ALG14: variants seen among roughly 807,000 people sequenced by gnomAD.
ALG14 encodes the protein UDP-N-acetylglucosamine transferase subunit ALG14.
ALG14 carries 17 observed loss-of-function variants against 22.8 expected under a neutral mutation model. That is an observed-to-expected ratio of 0.75 (90% CI 0.51 to 1.12). ALG14 has a LOEUF of 1.12. Ranked by LOEUF, ALG14 falls within the 50% of genes most tolerant of loss-of-function variation. ALG14 has a pLI of 0.00. For synonymous variants in ALG14, 89 were observed against 103.7 expected (o/e 0.86, Z 0.86); for missense variants, 288 against 271.8 (o/e 1.06, Z -0.42).
chr1:95,068,441 C>T (rs1388923311), intron 1 of ALG14, among the ~76,000 whole-genome samples: 1 of 152,080 alleles, frequency 6.6e-6, no homozygotes, highest in Non-Finnish European at 1.5e-5. Context: ...CACCTGCGAC[C>T]ATGCCCAGCT....
intron 3 of ALG14, among the ~76,000 whole-genome samples, chr1:94,986,450 T>C (rs1444659373): frequency 6.6e-6 from 1 of 152,178 alleles, no homozygotes; most frequent in Admixed American, 6.6e-5. Context: ...CATACACTTA[T>C]GTGGTTGACT....
chr1:95,062,416 C>T (rs1675195088), intron 2 of ALG14, among the ~76,000 whole-genome samples: 1 of 152,094 alleles, frequency 6.6e-6, no homozygotes, highest in South Asian at 2.1e-4. Context: ...AGTCCAGCAT[C>T]CACTAACTAT....
At chr1:95,022,296 A>G in intron 3 of ALG14, 1 of 984,980 alleles carries the variant, frequency 1.0e-6, no homozygotes, top group East Asian at 1.1e-4. Context: ...TACCTCATTT[A>G]TGGATGGAAG....
chr1:95,041,802 T>G (rs577547065), intron 2 of ALG14, among the ~76,000 whole-genome samples: 1 of 152,128 alleles, frequency 6.6e-6, no homozygotes, highest in African/African-American at 2.4e-5. Context: ...AGTGGAAGAA[T>G]GTCATGTTAA....
At chr1:95,003,037 A>G (rs926085102) in intron 3 of ALG14, among the ~76,000 whole-genome samples, 2 of 152,228 alleles carry the variant, frequency 1.3e-5, no homozygotes, top group African/African-American at 4.8e-5. Context: ...AGCTGAAAAC[A>G]GTGAAATCAG....
rs984445174 is a variant in ALG14, at chr1:94,977,370, T to C, written c.*5706A>G. On this transcript the variant is annotated 3_prime_UTR_variant, in exon 4 of 4. Transcript: ENST00000370205. Reference sequence around the variant, plus strand: ...GATGTGACATTATGTAAAGCAGCAGTTCTTAAAATGTGGTCCAAGGTCCTG... The same window carrying C: ...GATGTGACATTATGTAAAGCAGCAGCTCTTAAAATGTGGTCCAAGGTCCTG... 1 of 152,232 alleles carries C rather than the reference T, an allele frequency of 6.6e-6. No homozygotes were observed. The highest frequency in any genetic ancestry group is 1.5e-5 in the Non-Finnish European group (1 of 68,048). The allele number at this position is 152,232 out of a possible 1,614,324, so 9.4% of individuals were successfully genotyped here.
chr1:95,012,050 T>A (rs1347295410), intron 3 of ALG14, among the ~76,000 whole-genome samples: 1 of 152,150 alleles, frequency 6.6e-6, no homozygotes, highest in Non-Finnish European at 1.5e-5. Flanking sequence ...CAAGATCTGA[T>A]GATTTTATAA....
intron 2 of ALG14, among the ~76,000 whole-genome samples, chr1:95,050,793 T>G (rs530525720): frequency 1.8e-4 from 28 of 152,120 alleles, no homozygotes; most frequent in Non-Finnish European, 3.4e-4. Flanking sequence ...TATCTGAAAT[T>G]TATTAATAGA....
chr1:95,065,105 G>A lies in ALG14; in HGVS notation c.137-88C>T. The A allele has an allele frequency of 1.4e-5, 17 of 1,229,374 alleles. No individual in the cohort carries two copies. In the South Asian group the frequency reaches 2.6e-4, roughly 19 times the overall value. The allele number at this position is 1,229,374 out of a possible 1,614,324, so 76.2% of individuals were successfully genotyped here. A position where few individuals can be genotyped will look rare whatever the true frequency, so the allele number is the denominator to read the frequency against. On this transcript the variant is annotated intron_variant, in intron 1 of 3. Transcript: ENST00000370205. ...TGTTATACCAATATCATGGTTTCAG[G>A]TTGGGGGTGGGGGGGCACTGTAATT...
chr1:95,044,892 A>G (rs963123448), intron 2 of ALG14, among the ~76,000 whole-genome samples: 1 of 152,144 alleles, frequency 6.6e-6, no homozygotes, highest in African/African-American at 2.4e-5. Flanking sequence ...TAAAAAAAGC[A>G]TTAGGATTCT....
rs532574828 is a variant in ALG14, at chr1:95,027,194, C to T, written c.355G>A (p.Val119Ile). The change falls in exon 3 of 4, where the codon GTT (valine) becomes ATT (isoleucine). Residue 119 changes from valine to isoleucine, a missense_variant. Val to Ile is a conservative substitution (Grantham distance 29). Transcript: ENST00000370205. ...CACATGGAGTGCAAGGTGGTGAAAA[C>T]GGTGGAGGGCCAGGACTGCTGAACC... ...REVQQSWPST[V>I]FTTLHSMWLS... The T allele has an allele frequency of 2.5e-5, 40 of 1,614,090 alleles. No homozygotes were observed. The South Asian group carries it at 3.4e-4, about 14-fold the overall frequency.
intron 2 of ALG14, 99 bp downstream of exon 2, chr1:95,064,767 T>C (rs947191327): frequency 2.8e-5 from 29 of 1,048,568 alleles, no homozygotes; most frequent in Non-Finnish European, 3.6e-5. Flanking sequence ...TGACTGCCCA[T>C]TGTGGGTAGG....
Position 95,072,919 on chromosome 1 carries a change from T to C in ALG14, c.-21A>G, listed in dbSNP as rs41292695. 605 of 1,612,868 alleles carry C rather than the reference T, an allele frequency of 3.8e-4. 1 individual carries two copies. Among genetic ancestry groups the C allele is most frequent in the South Asian group, 7.9e-4 (72 of 91,058 alleles). On this transcript the variant is annotated 5_prime_UTR_variant, in exon 1 of 4. Transcript: ENST00000370205. ...ACCATGCAGAGAAACGGCGCATGCGTCCAACTTCCGGGGACCAGCCGCTGT... is the reference window on the plus strand; with the variant it reads ...ACCATGCAGAGAAACGGCGCATGCGCCCAACTTCCGGGGACCAGCCGCTGT...
At chr1:95,046,583 G>A (rs910795101) in intron 2 of ALG14, among the ~76,000 whole-genome samples, 9 of 152,224 alleles carry the variant, frequency 5.9e-5, no homozygotes, top group African/African-American at 1.9e-4. Flanking sequence ...GAGTGGGCAA[G>A]GGTTGACAAG....
chr1:95,029,862 T>C (rs563284937), intron 2 of ALG14, among the ~76,000 whole-genome samples: 182 of 152,332 alleles, frequency 1.2e-3, no homozygotes, highest in African/African-American at 4.0e-3. Context: ...GCTCAATATG[T>C]ATCCACTATT....
intron 3 of ALG14, among the ~76,000 whole-genome samples, chr1:95,024,227 T>A (rs1253159399): frequency 6.6e-6 from 1 of 152,150 alleles, no homozygotes; most frequent in African/African-American, 2.4e-5. Flanking sequence ...TCCGCCCACC[T>A]CAGCCTCCCA....
In ALG14 at chr1:95,065,153, G is replaced by A. The variant is rs6674467; in HGVS notation, c.137-136C>T. The A allele has an allele frequency of 0.14, 100,779 of 696,568 alleles. 8,214 individuals carry two copies. The highest frequency in any genetic ancestry group is 0.26 in the African/African-American group (14,222 of 55,708). The allele number at this position is 696,568 out of a possible 1,614,324, so 43.1% of individuals were successfully genotyped here. On this transcript the variant is annotated intron_variant, in intron 1 of 3. Coordinates refer to ENST00000370205, the MANE Select transcript of ALG14 (RefSeq NM_144988.4). ...ATTGTATATTTCTCAGAAGACACAAGGAACATTTGAAAACAATAAATCTAT... is the reference window on the plus strand; with the variant it reads ...ATTGTATATTTCTCAGAAGACACAAAGAACATTTGAAAACAATAAATCTAT...
chr1:94,985,345 TCTTA>T (rs1396660055), intron 3 of ALG14, among the ~76,000 whole-genome samples: 1 of 152,220 alleles, frequency 6.6e-6, no homozygotes, highest in Non-Finnish European at 1.5e-5. Context: ...GTCTTGTGCA[TCTTA>T]CTTAGCGTGC....
chr1:95,058,217 C>T (rs1020193296), intron 2 of ALG14, among the ~76,000 whole-genome samples: 3 of 120,782 alleles, frequency 2.5e-5, no homozygotes, highest in African/African-American at 6.3e-5. Flanking sequence ...ACCAGGGAAT[C>T]GGAAGTTGCC....
Sources: allele counts gnomAD v4.1 joint callset (sites outside exome capture counted in the v4.1 genomes callset), GRCh38; gene constraint gnomAD v4.1.1; transcripts MANE v1.5; gene names NCBI Gene and HGNC (gene_info 2026-07-23, HGNC 2026-07-21).